Variants in BUD13 observed in about 807,000 individuals in gnomAD.
The protein encoded by BUD13 is BUD13 spliceosome associated protein, also known as BUD13 homolog.
In BUD13, 47 loss-of-function variants were observed where a neutral mutation model predicts 62.5. The observed-to-expected ratio is 0.75, with a 90% CI of 0.60 to 0.96. The LOEUF is 0.96. Among genes scored for constraint, BUD13 ranks in the 40% least tolerant of loss-of-function variants. BUD13 has a pLI of 0.00. For synonymous variants in BUD13, 293 were observed against 280.1 expected (o/e 1.05, Z -0.46); for missense variants, 821 against 790.9 (o/e 1.04, Z -0.46).
At chr11:116,770,533 TG>T (rs1940608154) in intron 1 of BUD13, among the ~76,000 whole-genome samples, 1 of 151,792 alleles carries the variant, frequency 6.6e-6, no homozygotes, top group Non-Finnish European at 1.5e-5. Flanking sequence ...CTCGCTCTGT[TG>T]CCCAGGCTGG....
intron 9 of BUD13, among the ~76,000 whole-genome samples, chr11:116,755,153 A>T (rs1940301782): frequency 6.6e-6 from 1 of 152,256 alleles, no homozygotes; most frequent in Admixed American, 6.5e-5. Flanking sequence ...CAGATGGGAA[A>T]TCTCAGCAGA....
chr11:116,749,646 C>T (rs757175393), intron 9 of BUD13, among the ~76,000 whole-genome samples: 3 of 152,172 alleles, frequency 2.0e-5, no homozygotes, highest in Non-Finnish European at 4.4e-5. Context: ...AGCCATGAGT[C>T]AAAGTTGGAA....
chr11:116,758,728 C>T (rs559626374), intron 6 of BUD13, among the ~76,000 whole-genome samples: 2 of 151,634 alleles, frequency 1.3e-5, no homozygotes, highest in East Asian at 3.9e-4. Flanking sequence ...GCTGGGATTA[C>T]AGGCATGCAA....
At position 116,770,145 on chromosome 11, in the gene BUD13, T is replaced by A. The variant is rs1435558119; in HGVS notation, c.221A>T (p.Asp74Val). The change falls in exon 2 of 10, where the codon GAT (aspartate) becomes GTT (valine). Residue 74 changes from aspartate to valine, a missense_variant. By Grantham distance (152) the Asp-to-Val change is radical. Around this residue, in one of 2 missense-constraint regions of BUD13, gnomAD observed 800 missense variants for 739.2 expected, o/e 1.08. Coordinates refer to ENST00000260210, the MANE Select transcript of BUD13 (RefSeq NM_032725.4). Reference protein sequence around the residue: ...TKLEKEEEEDDGDLPVVAEFV... With the variant: ...TKLEKEEEEDVGDLPVVAEFV... ...GATACATACCACAGGCAAATCTCCA[T>A]CATCTTCCTCTTCCTCCTTTTCTAG... 1 of 1,610,452 alleles carries A rather than the reference T, an allele frequency of 6.2e-7. No individual in the cohort carries two copies. Among genetic ancestry groups the A allele is most frequent in the African/African-American group, 1.3e-5 (1 of 74,740 alleles).
Position 116,772,872 on chromosome 11 carries a change from AC to A in BUD13, c.92del (p.Gly31ValfsTer26). ...TCGGCCGCTTTTTGCGACGCTTGCGACCGGACTCAGATCCCCGGTCGACGCC... is the reference window on the plus strand; with the variant it reads ...TCGGCCGCTTTTTGCGACGCTTGCGACGGACTCAGATCCCCGGTCGACGCC... Reference protein sequence around the residue: ...DAGVDRGSESGRKRRKKRPKP... With the variant: ...DAGVDRGSESXRKRRKKRPKP... On this transcript the variant is annotated frameshift_variant, in exon 1 of 10. Transcript: ENST00000260210. LOFTEE classifies it high-confidence loss of function. 6.3e-7 allele frequency: 1 copy of A among 1,592,014 alleles called. No individual in the cohort carries two copies. The highest frequency in any genetic ancestry group is 8.5e-7 in the Non-Finnish European group (1 of 1,170,570).
chr11:116,770,270 A>C, intron 1 of BUD13, 48 bp from the exon 2 acceptor site: 1 of 1,501,862 alleles, frequency 6.7e-7, no homozygotes, highest in South Asian at 1.2e-5. Context: ...GGATACCAGC[A>C]TAAAAACATT....
Position 116,767,994 on chromosome 11 carries a change from A to G in BUD13, c.237+2135T>C, listed in dbSNP as rs1254314440. On this transcript the variant is annotated intron_variant, in intron 2 of 9. Transcript: ENST00000260210. The stretch of plus-strand genomic sequence containing the variant: ...TCTCAAAAATAATAATAATAATAAT[A>G]ATAATAATAATAATAATAATAATAG... Among the ~76,000 whole-genome samples the G allele has an allele frequency of 2.1e-5, 3 of 140,200 alleles. No homozygotes were observed. The South Asian group carries it at 6.4e-4, about 30-fold the overall frequency. 92.0% of individuals were successfully genotyped at this position (140,200 alleles called of 152,430 possible).
intron 9 of BUD13, among the ~76,000 whole-genome samples, chr11:116,752,602 A>G (rs1336228630): frequency 6.6e-6 from 1 of 152,204 alleles, no homozygotes; most frequent in Non-Finnish European, 1.5e-5. Flanking sequence ...TGTGCTATAA[A>G]AAGATCTACT....
At chr11:116,758,749 G>A (rs907284855) in intron 6 of BUD13, among the ~76,000 whole-genome samples, 3 of 151,782 alleles carry the variant, frequency 2.0e-5, no homozygotes, top group Non-Finnish European at 4.4e-5. Context: ...CACCATGCCT[G>A]GCTAGTTTTT....
chr11:116,771,109 C>T (rs913383222), intron 1 of BUD13, among the ~76,000 whole-genome samples: 2 of 152,188 alleles, frequency 1.3e-5, no homozygotes, highest in Admixed American at 1.3e-4. Flanking sequence ...TTCTTCAGGT[C>T]CTAACACAAA....
chr11:116,755,441 A>C (rs1326718972), intron 9 of BUD13, among the ~76,000 whole-genome samples: 1 of 152,216 alleles, frequency 6.6e-6, no homozygotes, highest in African/African-American at 2.4e-5. Flanking sequence ...GCATGGGTAA[A>C]AGATCCACTC....
chr11:116,750,688 C>T (rs188124137), intron 9 of BUD13, among the ~76,000 whole-genome samples: 8 of 152,346 alleles, frequency 5.3e-5, no homozygotes, highest in Admixed American at 1.3e-4. Flanking sequence ...ATCTGTTCTA[C>T]TTCCAATCTT....
chr11:116,756,156 C>A (rs1205675656), intron 9 of BUD13, among the ~76,000 whole-genome samples: 2 of 152,056 alleles, frequency 1.3e-5, no homozygotes, highest in East Asian at 3.8e-4. Context: ...TGCACCACTG[C>A]ACTCCAGCCT....
intron 9 of BUD13, among the ~76,000 whole-genome samples, chr11:116,748,824 A>G (rs1019915894): frequency 4.6e-5 from 7 of 152,120 alleles, no homozygotes; most frequent in African/African-American, 1.7e-4. Context: ...TGTCTCTACT[A>G]ACAATACAAA....
At chr11:116,758,473 T>TCAAC (rs2134175949) in intron 6 of BUD13, 66 bp from the exon 7 acceptor site, 2 of 1,553,868 alleles carry the variant, frequency 1.3e-6, no homozygotes, top group South Asian at 2.3e-5. Context: ...AGAGATCAAA[T>TCAAC]CAACCGCTTG....
chr11:116,757,358 C>T (rs764729866), intron 8 of BUD13, 131 bp from the exon 9 acceptor site: 238 of 787,248 alleles, frequency 3.0e-4, no homozygotes, highest in Non-Finnish European at 4.3e-4. Context: ...TACAGTGGCA[C>T]GATCTCAGCT....
At chr11:116,771,933 T>G (rs1163410032) in intron 1 of BUD13, among the ~76,000 whole-genome samples, 1 of 152,228 alleles carries the variant, frequency 6.6e-6, no homozygotes, top group Non-Finnish European at 1.5e-5. Flanking sequence ...CTGGAAAGTC[T>G]CTAGCAGAGA....
intron 2 of BUD13, among the ~76,000 whole-genome samples, 194 bp downstream of exon 2, chr11:116,769,935 T>C (rs1940593406): frequency 2.0e-5 from 3 of 151,178 alleles, no homozygotes; most frequent in Admixed American, 2.0e-4. Flanking sequence ...CGGGTGCCTG[T>C]AATCCCAGCT....
intron 9 of BUD13, among the ~76,000 whole-genome samples, chr11:116,751,159 C>G (rs191274189): frequency 6.6e-6 from 1 of 152,352 alleles, no homozygotes; most frequent in East Asian, 1.9e-4. Flanking sequence ...ACTAACCAAA[C>G]AGCGTTGAAA....
Sources: allele counts gnomAD v4.1 joint callset (sites outside exome capture counted in the v4.1 genomes callset), GRCh38; gene constraint gnomAD v4.1.1; regional missense constraint gnomAD v4.1.1; transcripts MANE v1.5; gene names NCBI Gene and HGNC (gene_info 2026-07-23, HGNC 2026-07-21).